Variants in SLC4A4 observed in about 807,000 individuals in gnomAD.
SLC4A4 encodes the protein electrogenic sodium bicarbonate cotransporter 1.
SLC4A4 carries 27 observed loss-of-function variants against 111.5 expected under a neutral mutation model. The ratio of observed to expected loss-of-function variants is 0.24; its 90% CI spans 0.18 to 0.33. The LOEUF is 0.33. Ranked by LOEUF, SLC4A4 falls within the 10% of genes least tolerant of loss-of-function variation. The probability of loss-of-function intolerance (pLI) is 1.00; values close to 1 mark genes in which losing one functional copy is unlikely to be tolerated. For missense variants in SLC4A4, 909 were observed against 1,315.5 expected, an observed-to-expected ratio of 0.69 and a Z score of 4.78; for synonymous variants, 443 against 463.4, an observed-to-expected ratio of 0.96 and a Z score of 0.57.
At chr4:71,174,077 T>G (rs780327211) in intron 2 of SLC4A4, among the ~76,000 whole-genome samples, 52 of 152,174 alleles carry the variant, frequency 3.4e-4, no homozygotes, top group Non-Finnish European at 5.9e-4. Flanking sequence ...ATTGGAATTT[T>G]TATAAACAGA....
At chr4:71,309,657 C>G (rs1021571840) in intron 3 of SLC4A4, among the ~76,000 whole-genome samples, 2 of 152,126 alleles carry the variant, frequency 1.3e-5, no homozygotes, top group African/African-American at 4.8e-5. Context: ...GACCCCCACA[C>G]ACAGAAACCC....
chr4:71,218,887 C>T (rs1718580931), intron 1 of SLC4A4, among the ~76,000 whole-genome samples: 1 of 152,060 alleles, frequency 6.6e-6, no homozygotes, highest in South Asian at 2.1e-4. Context: ...AATATTACTT[C>T]CTTGGGAAAA....
At chr4:71,496,641 T>C (rs1053955531) in intron 15 of SLC4A4, among the ~76,000 whole-genome samples, 1 of 152,006 alleles carries the variant, frequency 6.6e-6, no homozygotes, top group Non-Finnish European at 1.5e-5. Flanking sequence ...TCAGAGCAAC[T>C]GGGGGATGGG....
chr4:71,358,513 C>T (rs1730486100), intron 6 of SLC4A4, among the ~76,000 whole-genome samples: 1 of 152,140 alleles, frequency 6.6e-6, no homozygotes, highest in Non-Finnish European at 1.5e-5. Context: ...AAAAACACTA[C>T]AAGCAGATTT....
intron 16 of SLC4A4, among the ~76,000 whole-genome samples, chr4:71,505,248 TAATGGATATATAAAACTTTATATATAA>T (rs1731303861): frequency 6.6e-6 from 1 of 152,126 alleles, no homozygotes; most frequent in Non-Finnish European, 1.5e-5. Flanking sequence ...GTATATCCTG[TAATGGATATATAAAACTTTATATATAA>T]AATGGATATA....
At chr4:71,554,426 C>G (rs1319856291) in intron 20 of SLC4A4, among the ~76,000 whole-genome samples, 2 of 151,814 alleles carry the variant, frequency 1.3e-5, no homozygotes, top group African/African-American at 4.8e-5. Context: ...GGAATAGATA[C>G]AGTTTACAGA....
chr4:71,104,848 T>G (rs922008989), intron 2 of SLC4A4, among the ~76,000 whole-genome samples: 12 of 44,570 alleles, frequency 2.7e-4, no homozygotes, highest in Non-Finnish European at 4.4e-4. Context: ...AAGCATTCCC[T>G]TTGAAAACTG....
chr4:71,243,827 T>C (rs1204742815), intron 2 of SLC4A4, among the ~76,000 whole-genome samples: 1 of 152,342 alleles, frequency 6.6e-6, no homozygotes, highest in East Asian at 1.9e-4. Flanking sequence ...ATCCAATGTG[T>C]GTACCTTTCT....
intron 16 of SLC4A4, 42 bp downstream of exon 16, chr4:71,497,734 T>C (rs1463546672): frequency 5.4e-6 from 8 of 1,494,804 alleles, no homozygotes; most frequent in Non-Finnish European, 7.5e-6. Context: ...GGATTTACAC[T>C]GTATCAACAA....
At chr4:71,443,110 C>CTATA (rs1560512879) in intron 8 of SLC4A4, among the ~76,000 whole-genome samples, 10 of 100,998 alleles carry the variant, frequency 9.9e-5, no homozygotes, top group African/African-American at 1.4e-4. Flanking sequence ...CTCTCTCTCT[C>CTATA]TCTCTCTATA....
intron 3 of SLC4A4, among the ~76,000 whole-genome samples, chr4:71,312,726 T>C (rs1726307100): frequency 6.6e-6 from 1 of 152,190 alleles, no homozygotes; most frequent in African/African-American, 2.4e-5. Context: ...TCAACACCCC[T>C]TCATACTAAA....
Position 71,221,698 on chromosome 4 carries a change from A to C in SLC4A4, c.-1-14878A>C, listed in dbSNP as rs564929253. On this transcript the variant is annotated intron_variant, in intron 1 of 25. Coordinates refer to ENST00000264485, the MANE Select transcript of SLC4A4 (RefSeq NM_001098484.3). Reference sequence around the variant, plus strand: ...GTTTCAAGTGGCAACAACTTGAGTCATGAACTTTGGAGCTAGTTTGGCAGA... The same window carrying C: ...GTTTCAAGTGGCAACAACTTGAGTCCTGAACTTTGGAGCTAGTTTGGCAGA... Among the ~76,000 whole-genome samples, 8 of 152,324 alleles carry C rather than the reference A, an allele frequency of 5.3e-5. 1 individual carries two copies. The South Asian group carries it at 1.7e-3, about 32-fold the overall frequency.
At chr4:71,371,464 G>T (rs562302930) in intron 6 of SLC4A4, among the ~76,000 whole-genome samples, 2 of 151,678 alleles carry the variant, frequency 1.3e-5, no homozygotes, top group African/African-American at 4.9e-5. Context: ...GGCTGGTTTC[G>T]AACTCCTGAC....
At chr4:71,303,577 T>A (rs1023791412) in intron 3 of SLC4A4, among the ~76,000 whole-genome samples, 5 of 152,304 alleles carry the variant, frequency 3.3e-5, no homozygotes, top group African/African-American at 9.6e-5. Context: ...TCTGTTAGGA[T>A]GAGCAGAAAG....
chr4:71,306,823 G>T (rs888743409), intron 3 of SLC4A4, among the ~76,000 whole-genome samples: 1 of 152,166 alleles, frequency 6.6e-6, no homozygotes, highest in African/African-American at 2.4e-5. Flanking sequence ...AAAAGAAAAG[G>T]TGACTTATTT....
At chr4:71,348,604 C>T (rs145418016) in intron 4 of SLC4A4, among the ~76,000 whole-genome samples, 288 of 152,258 alleles carry the variant, frequency 1.9e-3, no homozygotes, top group Non-Finnish European at 3.2e-3. Flanking sequence ...GAGAGCCTTC[C>T]TGAGAGGCAC....
At chr4:71,309,045 C>T (rs1725923411) in intron 3 of SLC4A4, among the ~76,000 whole-genome samples, 2 of 152,156 alleles carry the variant, frequency 1.3e-5, no homozygotes. Flanking sequence ...TTGGTGGAGG[C>T]AGGGGCATCC....
chr4:71,100,407 T>C (rs1233483759), intron 2 of SLC4A4, among the ~76,000 whole-genome samples: 1 of 151,324 alleles, frequency 6.6e-6, no homozygotes, highest in African/African-American at 2.4e-5. Flanking sequence ...AATTCAACAT[T>C]CCTTCATTCT....
At chr4:71,506,498 G>A (rs1731430248) in intron 16 of SLC4A4, among the ~76,000 whole-genome samples, 1 of 152,082 alleles carries the variant, frequency 6.6e-6, no homozygotes, top group African/African-American at 2.4e-5. Flanking sequence ...CTTTCCTGTG[G>A]TTGGTTTAAA....
Sources: allele counts gnomAD v4.1 joint callset (sites outside exome capture counted in the v4.1 genomes callset), GRCh38; gene constraint gnomAD v4.1.1; transcripts MANE v1.5; gene names NCBI Gene and HGNC (gene_info 2026-07-23, HGNC 2026-07-21).